Variants in PRKN observed in about 807,000 individuals in gnomAD.
The protein encoded by PRKN is E3 ubiquitin-protein ligase parkin.
PRKN carries 56 observed loss-of-function variants against 59.5 expected under a neutral mutation model. The ratio of observed to expected loss-of-function variants is 0.94; its 90% confidence interval spans 0.76 to 1.18. The LOEUF is 1.18. Ranked by LOEUF, PRKN falls within the 50% of genes most tolerant of loss-of-function variation. The probability of loss-of-function intolerance (pLI) is 0.00; values close to 1 mark genes in which losing one functional copy is unlikely to be tolerated. For synonymous variants in PRKN, 250 were observed against 222.1 expected (o/e 1.13, Z -1.12); for missense variants, 657 against 596.4 (o/e 1.10, Z -1.06).
intron 2 of PRKN, among the ~76,000 whole-genome samples, chr6:162,320,470 A>T (rs1423386923): frequency 1.9e-4 from 29 of 150,962 alleles, no homozygotes; most frequent in Admixed American, 1.8e-3. Flanking sequence ...CAAAAAAAAA[A>T]ATATATGAAA....
intron 2 of PRKN, among the ~76,000 whole-genome samples, chr6:162,410,981 C>A (rs939410066): frequency 3.3e-5 from 5 of 151,160 alleles, no homozygotes; most frequent in African/African-American, 1.2e-4. Context: ...CTCCTTAAAT[C>A]TTGGGGTATT....
intron 1 of PRKN, among the ~76,000 whole-genome samples, chr6:162,479,818 G>A (rs953014515): frequency 6.7e-6 from 1 of 150,290 alleles, no homozygotes; most frequent in Non-Finnish European, 1.5e-5. Context: ...CTGTAATCCA[G>A]CACTTTGGGA....
chr6:161,348,310 T>C lies in PRKN; in HGVS notation c.*1789A>G, dbSNP rs1784407589. 1 of 205,990 alleles carries C rather than the reference T, an allele frequency of 4.9e-6. No individual in the cohort carries two copies. Among genetic ancestry groups the C allele is most frequent in the Non-Finnish European group, 9.9e-6 (1 of 100,728 alleles). The allele number at this position is 205,990 out of a possible 1,614,324, so 12.8% of individuals were successfully genotyped here. A position where few individuals can be genotyped will look rare whatever the true frequency, so the allele number is the denominator to read the frequency against. ...CCACTGGGTGCAGGGGGCTCATGCC[T>C]GCCACCTCTCTTTTTTTCCCTTACT... On this transcript the variant is annotated 3_prime_UTR_variant, in exon 12 of 12. Transcript: ENST00000366898. This position sits in a 1 kb window ranked among gnomAD's most constrained non-coding sequence, Gnocchi z 4.9.
intron 1 of PRKN, chr6:162,569,306 C>T: frequency 1.6e-6 from 1 of 612,148 alleles, no homozygotes. Flanking sequence ...GCGTGGGGAG[C>T]TGGCCATTAA....
chr6:161,804,261 G>T (rs529462006), intron 6 of PRKN, among the ~76,000 whole-genome samples: 1 of 152,338 alleles, frequency 6.6e-6, no homozygotes, highest in Non-Finnish European at 1.5e-5. Flanking sequence ...GGGCCTGAAT[G>T]AACTTGGGGT....
chr6:162,384,648 AAAAAAAAAAAAAAAC>A (rs1459552697), intron 2 of PRKN, among the ~76,000 whole-genome samples: 2 of 106,016 alleles, frequency 1.9e-5, no homozygotes, highest in Non-Finnish European at 1.9e-5. Context: ...TTCAATTTGT[AAAAAAAAAAAAAAAC>A]AAAAAAAAAA....
chr6:162,352,905 G>C (rs1784682025), intron 2 of PRKN, among the ~76,000 whole-genome samples: 4 of 152,156 alleles, frequency 2.6e-5, no homozygotes, highest in African/African-American at 9.7e-5. Flanking sequence ...AAGTAGATAA[G>C]ATGAATAGAT....
chr6:161,752,460 G>T (rs1457609970), intron 7 of PRKN, among the ~76,000 whole-genome samples: 2 of 152,214 alleles, frequency 1.3e-5, no homozygotes, highest in Non-Finnish European at 2.9e-5. Context: ...TTGGGAGGCT[G>T]AGGCTGGCTA....
At chr6:162,449,601 A>G (rs554882515) in intron 1 of PRKN, among the ~76,000 whole-genome samples, 1 of 152,140 alleles carries the variant, frequency 6.6e-6, no homozygotes, top group South Asian at 2.1e-4. Context: ...TATTTTTATA[A>G]CTATTACCTG....
chr6:161,865,931 A>C (rs895888236), intron 6 of PRKN, among the ~76,000 whole-genome samples: 6 of 152,208 alleles, frequency 3.9e-5, no homozygotes, highest in Non-Finnish European at 5.9e-5. Flanking sequence ...CTCAGCTTTC[A>C]ACGTCTTCCT....
rs1270449152 is a variant in PRKN, at chr6:161,470,668, C to T, written c.1083+78186G>A. The stretch of plus-strand genomic sequence containing the variant: ...TCAGACTATGCCCCAGGCACCTGAG[C>T]CCCAGAATTCCCTGCCCAAATGGCC... On this transcript the variant is annotated intron_variant, in intron 9 of 11. Coordinates refer to ENST00000366898, the MANE Select transcript of PRKN (RefSeq NM_004562.3). The surrounding 1 kb of genome is among the most constrained non-coding windows in gnomAD (Gnocchi z 5.1). Among the ~76,000 whole-genome samples the T allele has an allele frequency of 6.6e-6, 1 of 152,232 alleles. No individual in the cohort carries two copies. The highest frequency in any genetic ancestry group is 1.5e-5 in the Non-Finnish European group (1 of 68,048).
intron 7 of PRKN, among the ~76,000 whole-genome samples, chr6:161,696,912 A>C (rs1583020161): frequency 6.6e-6 from 1 of 152,214 alleles, no homozygotes; most frequent in African/African-American, 2.4e-5. Context: ...ACTGTGCATG[A>C]CTCAGAAACT....
chr6:162,696,574 C>T (rs2023040), intron 1 of PRKN, among the ~76,000 whole-genome samples: 107,803 of 133,040 alleles, frequency 0.81, 43,748 homozygotes, highest in East Asian at 0.97. Context: ...TTTTTTTTTT[C>T]TTTTTTTTGA....
chr6:162,140,938 C>T (rs1331570912), intron 4 of PRKN, among the ~76,000 whole-genome samples: 2 of 152,058 alleles, frequency 1.3e-5, no homozygotes, highest in East Asian at 3.9e-4. Context: ...ACCATCCTGG[C>T]TAACACGGTG....
intron 8 of PRKN, among the ~76,000 whole-genome samples, chr6:161,565,098 G>A (rs1458134959): frequency 6.6e-6 from 1 of 152,070 alleles, no homozygotes; most frequent in East Asian, 1.9e-4. Context: ...GAAATTTCAT[G>A]GTCGGTCATA....
chr6:162,201,185 T>C lies in PRKN; in HGVS notation c.480A>G (p.Gly160=). The C allele has an allele frequency of 1.9e-6, 3 of 1,614,138 alleles. No homozygotes were observed. Among genetic ancestry groups the C allele is most frequent in the African/African-American group, 1.3e-5 (1 of 75,040 alleles). The change falls in exon 4 of 12, where the codon GGA becomes GGG. Residue 160 remains glycine (G), a synonymous_variant. Coordinates refer to ENST00000366898, the MANE Select transcript of PRKN (RefSeq NM_004562.3). ...AGGTGCTGCACTGTACCCTGAGTTT[T>C]CCCGGCTGCACTCTTTGACAGGGGC... ...CKGPCQRVQP[G]KLRVQCSTCR... is the part of the protein sequence containing the mutation.
chr6:162,144,456 A>G (rs1166194227), intron 4 of PRKN, among the ~76,000 whole-genome samples: 1 of 152,228 alleles, frequency 6.6e-6, no homozygotes, highest in African/African-American at 2.4e-5. Flanking sequence ...ATTATTCACC[A>G]TAACTTACAG....
intron 1 of PRKN, among the ~76,000 whole-genome samples, chr6:162,721,546 G>C (rs1479943892): frequency 6.6e-6 from 1 of 151,974 alleles, no homozygotes; most frequent in Non-Finnish European, 1.5e-5. Flanking sequence ...CTGTCTAGAA[G>C]GCCGCCTTCA....
intron 5 of PRKN, among the ~76,000 whole-genome samples, chr6:162,013,330 C>T (rs916357142): frequency 2.0e-5 from 3 of 152,072 alleles, no homozygotes; most frequent in Non-Finnish European, 4.4e-5. Flanking sequence ...CTTTTGGATA[C>T]GTCCTCACTG....
Sources: allele counts gnomAD v4.1 joint callset (sites outside exome capture counted in the v4.1 genomes callset), GRCh38; gene constraint gnomAD v4.1.1; non-coding constraint Gnocchi (gnomAD v3.1); transcripts MANE v1.5; gene names NCBI Gene and HGNC (gene_info 2026-07-23, HGNC 2026-07-21).